Variants in GARIN1A observed in about 807,000 individuals in gnomAD.
GARIN1A encodes the protein Golgi-associated RAB2 interactor protein 1A.
chr7:128,693,340 G>C, the GARIN1A span: 2 of 152,256 alleles, frequency 1.3e-5, no homozygotes, highest in Non-Finnish European at 2.9e-5. Context: ...GACAAGGAAG[G>C]AAAGAAATGT....
At chr7:128,702,663 C>G in the GARIN1A span, among the ~76,000 whole-genome samples, 4 of 152,242 alleles carry the variant, frequency 2.6e-5, no homozygotes, top group African/African-American at 7.2e-5. Flanking sequence ...AAATAGAAAA[C>G]AGTGATCAAT....
the GARIN1A span, chr7:128,672,615 T>G: frequency 9.3e-7 from 1 of 1,070,730 alleles, no homozygotes; most frequent in Non-Finnish European, 1.2e-6. Flanking sequence ...AGGGGTTGGT[T>G]AGGAGATGCT....
the GARIN1A span, chr7:128,675,844 T>C: frequency 6.2e-7 from 1 of 1,610,334 alleles, no homozygotes; most frequent in Non-Finnish European, 8.5e-7. Context: ...GACGCCCCAG[T>C]CATCAACCTC....
chr7:128,676,785 C>G, the GARIN1A span, among the ~76,000 whole-genome samples: 1 of 151,812 alleles, frequency 6.6e-6, no homozygotes, highest in African/African-American at 2.4e-5. Flanking sequence ...GTCAGGAAAC[C>G]TTAGTTCCAG....
At chr7:128,687,210 C>G in the GARIN1A span, 3 of 152,194 alleles carry the variant, frequency 2.0e-5, no homozygotes, top group African/African-American at 7.2e-5. Context: ...ATTTTTATAG[C>G]ATTTCTCACC....
At chr7:128,677,496 C>G in the GARIN1A span, 1 of 949,758 alleles carries the variant, frequency 1.1e-6, no homozygotes, top group African/African-American at 2.5e-5. Flanking sequence ...GGCAGCGAGA[C>G]TCCGTCTCAA....
the GARIN1A span, among the ~76,000 whole-genome samples, chr7:128,699,272 C>G: frequency 9.3e-3 from 1,160 of 125,150 alleles, 62 homozygotes; most frequent in African/African-American, 0.033. Flanking sequence ...CCCCCCCCCC[C>G]CACCACCAAA....
At chr7:128,672,277 C>T in the GARIN1A span, 117 of 800,476 alleles carry the variant, frequency 1.5e-4, no homozygotes, top group Non-Finnish European at 1.9e-4. Context: ...GTGGACAGCC[C>T]GTAAGTAAAT....
At chr7:128,677,458 G>A in the GARIN1A span, 1 of 1,257,928 alleles carries the variant, frequency 7.9e-7, no homozygotes, top group Non-Finnish European at 1.0e-6. Context: ...AGTGAGCCGA[G>A]ATCGCGCCAC....
chr7:128,682,969 A>G, the GARIN1A span: 3 of 1,596,018 alleles, frequency 1.9e-6, no homozygotes, highest in Non-Finnish European at 1.7e-6. Flanking sequence ...TACAGGAACA[A>G]TGACACTGCC....
At chr7:128,706,688 C>T in the GARIN1A span, among the ~76,000 whole-genome samples, 2 of 152,190 alleles carry the variant, frequency 1.3e-5, no homozygotes, top group African/African-American at 4.8e-5. Context: ...CCCAATCACA[C>T]TGGCTGACTC....
the GARIN1A span, among the ~76,000 whole-genome samples, chr7:128,700,284 G>T: frequency 0.12 from 15,953 of 134,522 alleles, 1,015 homozygotes; most frequent in South Asian, 0.18. Flanking sequence ...TTTGTATTTT[G>T]TTTTTTTTTT....
the GARIN1A span, among the ~76,000 whole-genome samples, chr7:128,700,533 G>T: frequency 6.6e-6 from 1 of 152,160 alleles, no homozygotes; most frequent in South Asian, 2.1e-4. Flanking sequence ...GCTCACCTCA[G>T]CCTCCCCAAG....
chr7:128,680,454 G>C, the GARIN1A span, among the ~76,000 whole-genome samples: 1 of 152,190 alleles, frequency 6.6e-6, no homozygotes, highest in Non-Finnish European at 1.5e-5. Flanking sequence ...GGTGGAGTTA[G>C]CTATTGACTA....
At chr7:128,683,036 C>G in the GARIN1A span, 1 of 1,610,898 alleles carries the variant, frequency 6.2e-7, no homozygotes, top group African/African-American at 1.3e-5. Flanking sequence ...CATCTCCAAT[C>G]AATTTGAATA....
At chr7:128,682,231 C>CAACCCAAG in the GARIN1A span, among the ~76,000 whole-genome samples, 3 of 152,198 alleles carry the variant, frequency 2.0e-5, no homozygotes, top group Admixed American at 6.5e-5. Context: ...CCCCACGTGA[C>CAACCCAAG]AACCCAAGCC....
the GARIN1A span, among the ~76,000 whole-genome samples, chr7:128,699,268 C>CT: frequency 7.0e-6 from 1 of 142,632 alleles, no homozygotes; most frequent in Non-Finnish European, 1.6e-5. Context: ...CTGCCCCCCC[C>CT]CCCCCACCAC....
the GARIN1A span, chr7:128,697,628 C>G: frequency 6.5e-6 from 1 of 152,974 alleles, no homozygotes; most frequent in African/African-American, 2.4e-5. Context: ...AACTCTGCTC[C>G]CCCTTTTACT....
the GARIN1A span, among the ~76,000 whole-genome samples, chr7:128,705,836 T>C: frequency 2.0e-5 from 3 of 151,954 alleles, no homozygotes; most frequent in Admixed American, 2.0e-4. Context: ...AGCTAATTTT[T>C]GTAGAGACAG....
Sources: gnomAD v4.1 joint callset for allele counts (sites outside exome capture counted in the v4.1 genomes callset) on GRCh38, gnomAD v4.1.1 for gene constraint, MANE v1.5 for transcripts, NCBI Gene and HGNC (gene_info 2026-07-23, HGNC 2026-07-21) for gene names.